The following CSMD1 variants were observed in gnomAD, a reference collection of about 807,000 sequenced individuals.
The protein encoded by CSMD1 is CUB and sushi domain-containing protein 1.
CSMD1 carries 213 observed loss-of-function variants against 417.5 expected under a neutral mutation model. The ratio of observed to expected loss-of-function variants is 0.51; its 90% CI spans 0.46 to 0.57. The LOEUF (loss-of-function observed/expected upper bound fraction) is 0.57. CSMD1 is among the 20% of genes least tolerant of loss of function. The probability of loss-of-function intolerance (pLI) is 0.00; values close to 1 mark genes in which losing one functional copy is unlikely to be tolerated. For missense variants in CSMD1, 6,923 were observed against 4,529.7 expected (o/e 1.53, Z -15.17); for synonymous variants, 2,862 against 1,736.8 (o/e 1.65, Z -16.11).
chr8:4,191,744 CAAA>C (rs3065543), intron 3 of CSMD1, among the ~76,000 whole-genome samples: 34 of 135,732 alleles, frequency 2.5e-4, no homozygotes, highest in East Asian at 4.3e-4. Flanking sequence ...AAGGTCATTC[CAAA>C]AAAAAAAAAA....
chr8:4,177,022 G>A (rs1174555344), intron 3 of CSMD1, among the ~76,000 whole-genome samples: 10 of 151,920 alleles, frequency 6.6e-5, no homozygotes, highest in Admixed American at 1.3e-4. Flanking sequence ...AAATATCAAC[G>A]AGACAGAAAG....
chr8:4,594,838 G>A (rs1800171621), intron 2 of CSMD1, among the ~76,000 whole-genome samples: 1 of 152,068 alleles, frequency 6.6e-6, no homozygotes, highest in African/African-American at 2.4e-5. Flanking sequence ...AAGTGTCTAG[G>A]ACACAATTCC....
At chr8:3,729,861 C>T (rs776850088) in intron 6 of CSMD1, among the ~76,000 whole-genome samples, 30 of 141,494 alleles carry the variant, frequency 2.1e-4, no homozygotes, top group Non-Finnish European at 3.7e-4. Flanking sequence ...TATTGAAGCA[C>T]GTATCAAAAC....
At chr8:3,692,172 T>C (rs535755369) in intron 7 of CSMD1, among the ~76,000 whole-genome samples, 9 of 152,292 alleles carry the variant, frequency 5.9e-5, no homozygotes, top group Admixed American at 1.3e-4. Context: ...CCCTACAACA[T>C]TGTTTCTCCT....
At chr8:4,483,197 T>C (rs1018387067) in intron 2 of CSMD1, among the ~76,000 whole-genome samples, 2 of 152,166 alleles carry the variant, frequency 1.3e-5, no homozygotes, top group Admixed American at 6.5e-5. Flanking sequence ...TCATTCTCTC[T>C]CTTGCCACCA....
chr8:4,326,283 C>G (rs1164210809), intron 3 of CSMD1, among the ~76,000 whole-genome samples: 1 of 152,090 alleles, frequency 6.6e-6, no homozygotes, highest in Non-Finnish European at 1.5e-5. Context: ...CGGTGGGAGA[C>G]TCAGACATAG....
intron 10 of CSMD1, among the ~76,000 whole-genome samples, chr8:3,539,218 C>G (rs945582340): frequency 1.3e-5 from 2 of 152,120 alleles, no homozygotes; most frequent in Admixed American, 6.5e-5. Context: ...GTTCGCAAGG[C>G]TGCCTCATGT....
intron 54 of CSMD1, among the ~76,000 whole-genome samples, chr8:2,979,217 C>G (rs1805195672): frequency 6.6e-6 from 1 of 152,222 alleles, no homozygotes; most frequent in Non-Finnish European, 1.5e-5. Context: ...CACACATACA[C>G]ACCTACTTGC....
chr8:4,470,619 G>C (rs149296687), intron 2 of CSMD1, among the ~76,000 whole-genome samples: 2 of 152,182 alleles, frequency 1.3e-5, no homozygotes, highest in Admixed American at 6.5e-5. Context: ...CTCATAAATG[G>C]CTTTCCTGTA....
intron 11 of CSMD1, among the ~76,000 whole-genome samples, chr8:3,475,781 T>C (rs1012979572): frequency 6.6e-6 from 1 of 152,194 alleles, no homozygotes; most frequent in Admixed American, 6.5e-5. Flanking sequence ...ATGAAGGAAA[T>C]GATATGTGAT....
At chr8:4,108,024 GGAGA>G (rs376922802) in intron 3 of CSMD1, among the ~76,000 whole-genome samples, 1 of 150,280 alleles carries the variant, frequency 6.7e-6, no homozygotes, top group African/African-American at 2.4e-5. Context: ...AGACTGCAGG[GGAGA>G]GAGAGAGAGA....
At chr8:4,456,452 C>G (rs1310391890) in intron 2 of CSMD1, among the ~76,000 whole-genome samples, 1 of 152,118 alleles carries the variant, frequency 6.6e-6, no homozygotes, top group East Asian at 1.9e-4. Flanking sequence ...TAAGAGTATT[C>G]TTAACGAAAA....
intron 1 of CSMD1, among the ~76,000 whole-genome samples, chr8:4,805,419 C>T (rs1585128820): frequency 6.6e-6 from 1 of 152,018 alleles, no homozygotes; most frequent in African/African-American, 2.4e-5. Context: ...TTCATGTGAC[C>T]GAGTCCTTGC....
chr8:3,924,327 A>C (rs1197710936), intron 5 of CSMD1, among the ~76,000 whole-genome samples: 1 of 152,184 alleles, frequency 6.6e-6, no homozygotes, highest in Non-Finnish European at 1.5e-5. Context: ...GACTTTTGAC[A>C]GTTTAAAGTG....
intron 4 of CSMD1, among the ~76,000 whole-genome samples, chr8:4,006,344 G>C (rs545643566): frequency 7.8e-4 from 119 of 152,306 alleles, no homozygotes; most frequent in African/African-American, 2.5e-3. Context: ...AGCAGTTTGA[G>C]GCCAGCCTGG....
chr8:3,293,826 C>G (rs909025202), intron 25 of CSMD1, among the ~76,000 whole-genome samples: 12 of 152,350 alleles, frequency 7.9e-5, no homozygotes, highest in African/African-American at 2.9e-4. Flanking sequence ...CTTCTCTCAA[C>G]TTGTCAAAGT....
intron 12 of CSMD1, 24 bp from the exon 13 acceptor site, chr8:3,409,629 C>A (rs769030535): frequency 5.9e-6 from 9 of 1,527,058 alleles, no homozygotes; most frequent in Non-Finnish European, 7.1e-6. Flanking sequence ...AACAAATGAA[C>A]CCTTAAAAAA....
At chr8:3,902,553 A>C (rs931213394) in intron 5 of CSMD1, among the ~76,000 whole-genome samples, 1 of 152,028 alleles carries the variant, frequency 6.6e-6, no homozygotes, top group African/African-American at 2.4e-5. Context: ...CACAACCTAC[A>C]TCCATTGCAT....
chr8:4,153,217 C>A (rs185304233), intron 3 of CSMD1, among the ~76,000 whole-genome samples: 1 of 152,314 alleles, frequency 6.6e-6, no homozygotes, highest in East Asian at 1.9e-4. Context: ...CTCAGCAACT[C>A]ACCCAAGGGG....
Sources: allele counts gnomAD v4.1 joint callset (sites outside exome capture counted in the v4.1 genomes callset), GRCh38; gene constraint gnomAD v4.1.1; transcripts MANE v1.5; gene names NCBI Gene and HGNC (gene_info 2026-07-23, HGNC 2026-07-21).